The following MAGI2 variants were observed in gnomAD, a reference collection of about 807,000 sequenced individuals.
MAGI2 encodes the protein membrane-associated guanylate kinase, WW and PDZ domain-containing protein 2.
In MAGI2, 35 loss-of-function variants were observed where a neutral mutation model predicts 133.3. That is an observed-to-expected ratio of 0.26 (90% CI 0.20 to 0.35). The LOEUF (loss-of-function observed/expected upper bound fraction) is 0.35. MAGI2 is among the 10% of genes least tolerant of loss of function. The probability of loss-of-function intolerance (pLI) is 1.00; values close to 1 mark genes in which losing one functional copy is unlikely to be tolerated. For missense variants in MAGI2, 1,636 were observed against 1,863.4 expected, an observed-to-expected ratio of 0.88 and a Z score of 2.25; for synonymous variants, 729 against 710.6, an observed-to-expected ratio of 1.03 and a Z score of -0.41.
chr7:78,789,790 T>C (rs577251063), intron 2 of MAGI2, among the ~76,000 whole-genome samples: 2 of 152,222 alleles, frequency 1.3e-5, no homozygotes, highest in African/African-American at 2.4e-5. Context: ...CTACATCTTA[T>C]TCATTCTATC....
chr7:78,416,281 G>A (rs1224366579), intron 6 of MAGI2, among the ~76,000 whole-genome samples: 1 of 152,128 alleles, frequency 6.6e-6, no homozygotes, highest in Admixed American at 6.6e-5. Context: ...GAGTTAGGCA[G>A]TGATATGGCA....
At chr7:78,715,636 G>T (rs893334505) in intron 2 of MAGI2, among the ~76,000 whole-genome samples, 1 of 152,098 alleles carries the variant, frequency 6.6e-6, no homozygotes, top group African/African-American at 2.4e-5. Context: ...TAACTAAAAA[G>T]CATAGAAGGG....
intron 2 of MAGI2, among the ~76,000 whole-genome samples, chr7:78,807,700 A>T (rs1788703340): frequency 1.3e-5 from 2 of 152,176 alleles, no homozygotes; most frequent in South Asian, 4.1e-4. Context: ...AAATTTTCCA[A>T]ATGAGTATTG....
At chr7:78,108,605 G>T (rs1440777152) in intron 20 of MAGI2, among the ~76,000 whole-genome samples, 1 of 149,868 alleles carries the variant, frequency 6.7e-6, no homozygotes, top group African/African-American at 2.5e-5. Context: ...TATTGGGGTC[G>T]GTCTCTCTCT....
At chr7:79,426,148 T>A (rs1418508385) in intron 1 of MAGI2, among the ~76,000 whole-genome samples, 3 of 152,184 alleles carry the variant, frequency 2.0e-5, no homozygotes, top group Non-Finnish European at 2.9e-5. Flanking sequence ...CTGTTAGTTA[T>A]ACTCTAAACC....
chr7:79,386,919 A>G (rs530156290), intron 1 of MAGI2, among the ~76,000 whole-genome samples: 1 of 152,148 alleles, frequency 6.6e-6, no homozygotes, highest in East Asian at 1.9e-4. Context: ...GCAGAGAGTA[A>G]GCCCTCACCA....
chr7:79,237,221 C>T (rs902608542), intron 1 of MAGI2, among the ~76,000 whole-genome samples: 11 of 152,276 alleles, frequency 7.2e-5, no homozygotes, highest in East Asian at 3.9e-4. Flanking sequence ...ACTTGCCGGG[C>T]GCGGTGGCTC....
At chr7:79,213,542 TG>T (rs1829698061) in intron 1 of MAGI2, among the ~76,000 whole-genome samples, 1 of 152,030 alleles carries the variant, frequency 6.6e-6, no homozygotes, top group South Asian at 2.1e-4. Context: ...GACTTTTTGG[TG>T]GTTAATTTTG....
At chr7:79,075,107 G>C (rs1054966811) in intron 1 of MAGI2, among the ~76,000 whole-genome samples, 1 of 152,130 alleles carries the variant, frequency 6.6e-6, no homozygotes, top group African/African-American at 2.4e-5. Flanking sequence ...CTATGTAGCA[G>C]GGGAAAAACA....
At chr7:78,304,991 G>A (rs956311072) in intron 9 of MAGI2, among the ~76,000 whole-genome samples, 9 of 152,210 alleles carry the variant, frequency 5.9e-5, no homozygotes, top group South Asian at 2.1e-4. Flanking sequence ...AGATTGATTT[G>A]GTTTTTATTG....
At chr7:79,163,573 A>C (rs1353104855) in intron 1 of MAGI2, among the ~76,000 whole-genome samples, 1 of 152,056 alleles carries the variant, frequency 6.6e-6, no homozygotes, top group African/African-American at 2.4e-5. Flanking sequence ...GCCTGAAGAG[A>C]GATTAAATTT....
intron 9 of MAGI2, among the ~76,000 whole-genome samples, chr7:78,258,213 C>T (rs1441249161): frequency 6.6e-6 from 1 of 152,140 alleles, no homozygotes; most frequent in Non-Finnish European, 1.5e-5. Context: ...CGGCTCAGAA[C>T]TGAATTGGAG....
At chr7:78,523,883 G>GA (rs1350986156) in intron 3 of MAGI2, among the ~76,000 whole-genome samples, 4 of 152,018 alleles carry the variant, frequency 2.6e-5, no homozygotes, top group Non-Finnish European at 5.9e-5. Context: ...AAAACCATGA[G>GA]AAAAAATGGC....
At chr7:79,126,916 C>T (rs547917192) in intron 1 of MAGI2, among the ~76,000 whole-genome samples, 1 of 152,022 alleles carries the variant, frequency 6.6e-6, no homozygotes, top group African/African-American at 2.4e-5. Context: ...CGTCATTTAG[C>T]ATTAGGTATA....
chr7:79,361,442 C>T (rs1486210085), intron 1 of MAGI2, among the ~76,000 whole-genome samples: 1 of 152,172 alleles, frequency 6.6e-6, no homozygotes, highest in Non-Finnish European at 1.5e-5. Context: ...GCACTTCTGC[C>T]TTCATGCCCA....
chr7:78,670,235 A>G (rs1814199434), intron 2 of MAGI2, among the ~76,000 whole-genome samples: 1 of 152,188 alleles, frequency 6.6e-6, no homozygotes, highest in Non-Finnish European at 1.5e-5. Context: ...CTCAGGATAC[A>G]AAATCAATGT....
chr7:78,815,243 G>A (rs1426412591), intron 2 of MAGI2, among the ~76,000 whole-genome samples: 1 of 152,056 alleles, frequency 6.6e-6, no homozygotes, highest in Non-Finnish European at 1.5e-5. Context: ...ATGCAGCAAG[G>A]GTAGTCAGCC....
intron 12 of MAGI2, among the ~76,000 whole-genome samples, chr7:78,187,081 TTAAGTTTACCA>T (rs1827765551): frequency 6.6e-6 from 1 of 152,178 alleles, no homozygotes; most frequent in Non-Finnish European, 1.5e-5. Context: ...GAATTTCATG[TTAAGTTTACCA>T]TATTGTTTTG....
chr7:78,822,814 A>G (rs1790242692), intron 2 of MAGI2, among the ~76,000 whole-genome samples: 1 of 152,210 alleles, frequency 6.6e-6, no homozygotes, highest in Non-Finnish European at 1.5e-5. Context: ...TTTTCTTGTA[A>G]CTTTGTAAGT....
Sources: gnomAD v4.1 joint callset for allele counts (sites outside exome capture counted in the v4.1 genomes callset) on GRCh38, gnomAD v4.1.1 for gene constraint, MANE v1.5 for transcripts, NCBI Gene and HGNC (gene_info 2026-07-23, HGNC 2026-07-21) for gene names.